Variants in TMEM164 observed in about 807,000 individuals in gnomAD.
TMEM164 encodes the protein transmembrane protein 164.
TMEM164 carries 4 observed loss-of-function variants against 18.8 expected under a neutral mutation model. The observed-to-expected ratio is 0.21, with a 90% CI of 0.10 to 0.49. The LOEUF is 0.49. Ranked by LOEUF, TMEM164 falls within the 20% of genes least tolerant of loss-of-function variation. The pLI is 0.98. For synonymous variants in TMEM164, 86 were observed against 101.7 expected, an observed-to-expected ratio of 0.85 and a Z score of 0.93; for missense variants, 108 against 239.9, an observed-to-expected ratio of 0.45 and a Z score of 3.63.
intron 5 of TMEM164, among the ~76,000 whole-genome samples, chrX:110,165,768 C>T (rs939986148): frequency 8.9e-5 from 10 of 111,746 alleles, no homozygotes; most frequent in African/African-American, 2.9e-4. Context: ...AAATTACCTC[C>T]TCTCAGTTAC....
intron 5 of TMEM164, among the ~76,000 whole-genome samples, chrX:110,162,632 G>A (rs2148115872): frequency 8.9e-6 from 1 of 112,500 alleles, no homozygotes; most frequent in Non-Finnish European, 1.9e-5. Flanking sequence ...CAGTGGCTAA[G>A]AATGGGGAAT....
chrX:110,046,712 C>T (rs1188633575), intron 2 of TMEM164, among the ~76,000 whole-genome samples: 1 of 112,394 alleles, frequency 8.9e-6, no homozygotes, highest in East Asian at 2.8e-4. Flanking sequence ...TTAGTTTCCT[C>T]TCCCATCTAT....
chrX:110,068,626 G>C (rs1271410464), intron 3 of TMEM164, among the ~76,000 whole-genome samples: 2 of 111,788 alleles, frequency 1.8e-5, no homozygotes, highest in Admixed American at 9.5e-5. Flanking sequence ...GGTGTTTACT[G>C]TATCTTTTCT....
At chrX:110,098,824 T>C in intron 3 of TMEM164, among the ~76,000 whole-genome samples, 1 of 103,091 alleles carries the variant, frequency 9.7e-6, no homozygotes, top group East Asian at 2.9e-4. Flanking sequence ...TGAGAGGGAG[T>C]CTCACTCTGC....
chrX:110,027,013 T>C (rs1934226281), intron 2 of TMEM164, among the ~76,000 whole-genome samples: 1 of 111,472 alleles, frequency 9.0e-6, no homozygotes, highest in Non-Finnish European at 1.9e-5. Flanking sequence ...TTTGTGGCCA[T>C]TATTTTTTTT....
intron 3 of TMEM164, among the ~76,000 whole-genome samples, chrX:110,069,011 C>G (rs978454403): frequency 1.8e-5 from 2 of 111,419 alleles, no homozygotes; most frequent in African/African-American, 3.3e-5. Context: ...GTAAAATATT[C>G]CATGAATGCA....
At chrX:110,067,294 C>G (rs1301355722) in intron 2 of TMEM164, 53 bp from the exon 3 acceptor site, 3 of 1,111,313 alleles carry the variant, frequency 2.7e-6, no homozygotes, top group Non-Finnish European at 2.5e-6. Context: ...CATTGTCTCA[C>G]TCTGTCTGGC....
chrX:110,065,620 C>G (rs911240387), intron 2 of TMEM164: 1 of 111,222 alleles, frequency 9.0e-6, no homozygotes, highest in African/African-American at 3.3e-5. Context: ...GGGGATAAGT[C>G]GATGTTTGGA....
intron 2 of TMEM164, among the ~76,000 whole-genome samples, chrX:110,053,445 A>G (rs993190516): frequency 4.5e-5 from 5 of 112,030 alleles, no homozygotes; most frequent in African/African-American, 1.3e-4. Context: ...AAGCACTGCA[A>G]ATGGTAGGTA....
At chrX:110,131,147 G>A (rs1320408295) in intron 4 of TMEM164, among the ~76,000 whole-genome samples, 8 of 111,940 alleles carry the variant, frequency 7.1e-5, no homozygotes, top group African/African-American at 2.0e-4. Flanking sequence ...CCTCACAAAT[G>A]ACTGCCAGGC....
intron 3 of TMEM164, among the ~76,000 whole-genome samples, chrX:110,098,500 A>T (rs993899154): frequency 2.7e-5 from 3 of 110,776 alleles, no homozygotes; most frequent in African/African-American, 9.8e-5. Context: ...TTTTTTTATT[A>T]AAAAAAACCT....
intron 5 of TMEM164, among the ~76,000 whole-genome samples, chrX:110,151,758 G>A (rs974103337): frequency 1.8e-5 from 2 of 111,482 alleles, no homozygotes; most frequent in Admixed American, 1.9e-4. Context: ...ACTCCAGCCT[G>A]TGCAACAGAG....
intron 2 of TMEM164, among the ~76,000 whole-genome samples, chrX:110,059,107 A>G (rs1935995434): frequency 9.0e-6 from 1 of 111,099 alleles, no homozygotes; most frequent in Non-Finnish European, 1.9e-5. Flanking sequence ...TACAAGTTTT[A>G]TAGTTTTTGC....
At chrX:110,015,947 C>A (rs907453802) in intron 2 of TMEM164, among the ~76,000 whole-genome samples, 2 of 112,492 alleles carry the variant, frequency 1.8e-5, no homozygotes, top group Non-Finnish European at 3.8e-5. Flanking sequence ...CTGATTGACC[C>A]CCAGCCCTGT....
intron 2 of TMEM164, among the ~76,000 whole-genome samples, chrX:110,017,444 TTC>T (rs1555984589): frequency 2.6e-4 from 11 of 43,006 alleles, no homozygotes; most frequent in African/African-American, 9.3e-4. Context: ...CTTTCTTTCT[TTC>T]TCTCTCTCTC....
At chrX:110,048,090 G>A (rs753115841) in intron 2 of TMEM164, among the ~76,000 whole-genome samples, 2 of 111,261 alleles carry the variant, frequency 1.8e-5, no homozygotes, top group East Asian at 5.6e-4. Context: ...GTTTCCTCTG[G>A]CACTCTATAC....
intron 2 of TMEM164, among the ~76,000 whole-genome samples, chrX:110,056,828 G>A (rs750083045): frequency 9.0e-6 from 1 of 111,248 alleles, no homozygotes; most frequent in African/African-American, 3.3e-5. Context: ...TTGAGTACCC[G>A]TGTGTTTTCT....
At chrX:110,163,288 G>A (rs1485138228) in intron 5 of TMEM164, among the ~76,000 whole-genome samples, 1 of 112,297 alleles carries the variant, frequency 8.9e-6, no homozygotes, top group Non-Finnish European at 1.9e-5. Flanking sequence ...AATTTCAAAT[G>A]TTCCAGTAGT....
At chrX:110,117,322 C>T (rs975820728) in intron 4 of TMEM164, among the ~76,000 whole-genome samples, 2 of 112,464 alleles carry the variant, frequency 1.8e-5, no homozygotes, top group African/African-American at 6.5e-5. Context: ...GCCATATGAC[C>T]GCCTTTTGGC....
Sources: allele counts gnomAD v4.1 joint callset (sites outside exome capture counted in the v4.1 genomes callset), GRCh38; gene constraint gnomAD v4.1.1; transcripts MANE v1.5; gene names NCBI Gene and HGNC (gene_info 2026-07-23, HGNC 2026-07-21).